PGCKA1: variants seen among roughly 807,000 people sequenced by gnomAD.
PGCKA1 encodes PDCD10 and GCKIII kinases-associated protein 1.
chr4:37,554,702 C>T, the PGCKA1 span, among the ~76,000 whole-genome samples: 1 of 152,048 alleles, frequency 6.6e-6, no homozygotes. Context: ...TCAAAGTCTT[C>T]CTGGAGAAAG....
chr4:37,592,353 G>A, the PGCKA1 span, among the ~76,000 whole-genome samples: 34 of 108,156 alleles, frequency 3.1e-4, no homozygotes, highest in East Asian at 7.7e-4. Flanking sequence ...CCATCTCTAT[G>A]AAAAAAAAAA....
At chr4:37,531,897 A>G in the PGCKA1 span, among the ~76,000 whole-genome samples, 1 of 151,214 alleles carries the variant, frequency 6.6e-6, no homozygotes, top group Non-Finnish European at 1.5e-5. Flanking sequence ...GTCTCAAAAA[A>G]AAAAAAAAAA....
At chr4:37,572,804 G>A in the PGCKA1 span, among the ~76,000 whole-genome samples, 1 of 151,912 alleles carries the variant, frequency 6.6e-6, no homozygotes, top group African/African-American at 2.4e-5. Flanking sequence ...TTTTTACTTC[G>A]TTTTCACTGT....
At chr4:37,461,672 T>C in the PGCKA1 span, among the ~76,000 whole-genome samples, 1 of 151,836 alleles carries the variant, frequency 6.6e-6, no homozygotes, top group Non-Finnish European at 1.5e-5. Flanking sequence ...TAAAAGGAAG[T>C]TATGTGAGAC....
chr4:37,487,825 G>T, the PGCKA1 span, among the ~76,000 whole-genome samples: 1 of 152,042 alleles, frequency 6.6e-6, no homozygotes, highest in Non-Finnish European at 1.5e-5. Flanking sequence ...GCCTGGTTTT[G>T]TGTTTTGTTG....
the PGCKA1 span, chr4:37,590,728 G>T: frequency 6.2e-7 from 1 of 1,614,170 alleles, no homozygotes; most frequent in Non-Finnish European, 8.5e-7. Flanking sequence ...GCCCCCAGTG[G>T]GGGAGCATGG....
chr4:37,528,404 A>G, the PGCKA1 span, among the ~76,000 whole-genome samples: 1 of 152,148 alleles, frequency 6.6e-6, no homozygotes, highest in African/African-American at 2.4e-5. Flanking sequence ...AAGAAGGCCC[A>G]GGGCTGTGTT....
the PGCKA1 span, among the ~76,000 whole-genome samples, chr4:37,517,270 A>AAAT: frequency 6.9e-6 from 1 of 144,446 alleles, no homozygotes; most frequent in African/African-American, 2.7e-5. Flanking sequence ...TATATATATA[A>AAAT]ATATATATAT....
the PGCKA1 span, among the ~76,000 whole-genome samples, chr4:37,578,745 G>A: frequency 5.3e-5 from 8 of 151,926 alleles, no homozygotes; most frequent in African/African-American, 1.9e-4. Flanking sequence ...AAGTTGCCAT[G>A]AGGCCTGCAA....
the PGCKA1 span, among the ~76,000 whole-genome samples, chr4:37,545,710 C>T: frequency 6.6e-6 from 1 of 152,102 alleles, no homozygotes; most frequent in African/African-American, 2.4e-5. Context: ...TGTTGTCATC[C>T]CCCCATTCAT....
chr4:37,494,488 A>G, the PGCKA1 span, among the ~76,000 whole-genome samples: 3 of 152,198 alleles, frequency 2.0e-5, no homozygotes, highest in African/African-American at 7.2e-5. Flanking sequence ...AATATTCCAT[A>G]GTGTATATGT....
the PGCKA1 span, among the ~76,000 whole-genome samples, chr4:37,477,090 T>C: frequency 6.6e-6 from 1 of 152,216 alleles, no homozygotes; most frequent in East Asian, 1.9e-4. Context: ...GAAAGACTTG[T>C]ACACAAATGT....
chr4:37,531,782 C>A, the PGCKA1 span, among the ~76,000 whole-genome samples: 2 of 150,244 alleles, frequency 1.3e-5, no homozygotes, highest in Admixed American at 6.7e-5. Context: ...ATCCCAGCTA[C>A]TCGGGAGGCT....
chr4:37,531,148 T>C, the PGCKA1 span, among the ~76,000 whole-genome samples: 2 of 152,244 alleles, frequency 1.3e-5, no homozygotes, highest in Non-Finnish European at 2.9e-5. Context: ...TGAGGCGTTA[T>C]CCTAGGAACT....
the PGCKA1 span, among the ~76,000 whole-genome samples, chr4:37,526,371 A>G: frequency 1.3e-5 from 2 of 152,242 alleles, no homozygotes; most frequent in Admixed American, 6.5e-5. Flanking sequence ...CTTGGCCCGT[A>G]GGATTCTATA....
the PGCKA1 span, among the ~76,000 whole-genome samples, chr4:37,585,973 T>C: frequency 6.6e-6 from 1 of 151,666 alleles, no homozygotes; most frequent in Non-Finnish European, 1.5e-5. Flanking sequence ...TACTCTTGTT[T>C]GTATGCATAG....
chr4:37,529,732 C>T, the PGCKA1 span, among the ~76,000 whole-genome samples: 73 of 152,250 alleles, frequency 4.8e-4, no homozygotes, highest in Admixed American at 7.8e-4. Context: ...GCTCTTTCAT[C>T]GGTGTTTTCG....
chr4:37,492,698 CA>C, the PGCKA1 span, among the ~76,000 whole-genome samples: 1 of 152,106 alleles, frequency 6.6e-6, no homozygotes, highest in Non-Finnish European at 1.5e-5. The surrounding 1 kb of genome is among the most constrained non-coding windows in gnomAD (Gnocchi z 4.7). Context: ...TGGCCCTCAC[CA>C]AAGGATAAAC....
At chr4:37,478,581 G>T in the PGCKA1 span, among the ~76,000 whole-genome samples, 2 of 152,154 alleles carry the variant, frequency 1.3e-5, no homozygotes, top group Non-Finnish European at 2.9e-5. Context: ...CAGATAAAGA[G>T]ACTCTTTACG....
Sources: allele counts gnomAD v4.1 joint callset (sites outside exome capture counted in the v4.1 genomes callset), GRCh38; gene constraint gnomAD v4.1.1; non-coding constraint Gnocchi (gnomAD v3.1); transcripts MANE v1.5; gene names NCBI Gene and HGNC (gene_info 2026-07-23, HGNC 2026-07-21).